Variants in PTPRD observed in about 807,000 individuals in gnomAD.
The protein encoded by PTPRD is receptor-type tyrosine-protein phosphatase delta.
Under a neutral mutation model 214.5 loss-of-function variants are expected in PTPRD, and 34 were observed. The observed-to-expected ratio is 0.16, with a 90% CI of 0.12 to 0.21. The LOEUF is 0.21. PTPRD is among the 10% of genes least tolerant of loss of function. The pLI is 1.00. For missense variants in PTPRD, 2,545 were observed against 2,398.7 expected (o/e 1.06, Z -1.27); for synonymous variants, 1,128 against 845.7 (o/e 1.33, Z -5.79).
chr9:9,853,803 G>A (rs1031903868), intron 5 of PTPRD, among the ~76,000 whole-genome samples: 8 of 152,076 alleles, frequency 5.3e-5, no homozygotes, highest in Admixed American at 1.3e-4. Context: ...TGATCCGCCC[G>A]CCTCAGCCTC....
intron 10 of PTPRD, among the ~76,000 whole-genome samples, chr9:9,045,837 G>T (rs1317333717): frequency 6.6e-6 from 1 of 152,132 alleles, no homozygotes; most frequent in African/African-American, 2.4e-5. Context: ...AAATGCTTGA[G>T]ATATGCAGAC....
intron 8 of PTPRD, among the ~76,000 whole-genome samples, chr9:9,402,865 T>C (rs1245229042): frequency 1.4e-5 from 2 of 145,400 alleles, no homozygotes; most frequent in Non-Finnish European, 3.0e-5. Context: ...GAAGAAATTA[T>C]CCATAATGTT....
chr9:9,467,856 T>C (rs570060318), intron 8 of PTPRD, among the ~76,000 whole-genome samples: 3 of 152,246 alleles, frequency 2.0e-5, no homozygotes, highest in Non-Finnish European at 2.9e-5. Context: ...GTAAATCTAA[T>C]TGGTAACTAT....
At chr9:8,480,650 C>A (rs1192724658) in intron 30 of PTPRD, among the ~76,000 whole-genome samples, 1 of 152,150 alleles carries the variant, frequency 6.6e-6, no homozygotes, top group Non-Finnish European at 1.5e-5. Context: ...TACATTAAAT[C>A]TGCACAGTTT....
At chr9:9,983,967 G>A (rs2095625706) in intron 4 of PTPRD, among the ~76,000 whole-genome samples, 1 of 152,070 alleles carries the variant, frequency 6.6e-6, no homozygotes, top group Non-Finnish European at 1.5e-5. Flanking sequence ...GATTTAGTAT[G>A]CCTATTCCTT....
At chr9:9,501,209 T>C (rs1029985298) in intron 8 of PTPRD, among the ~76,000 whole-genome samples, 4 of 151,962 alleles carry the variant, frequency 2.6e-5, no homozygotes, top group Non-Finnish European at 4.4e-5. Flanking sequence ...AAGCCAAAGA[T>C]TGTCAAATTG....
chr9:9,492,240 AT>A (rs755773350), intron 8 of PTPRD, among the ~76,000 whole-genome samples: 2 of 151,644 alleles, frequency 1.3e-5, no homozygotes, highest in Non-Finnish European at 2.9e-5. Flanking sequence ...AAAAGATTGT[AT>A]CAATAATAAA....
At chr9:8,686,123 G>A (rs1424220338) in intron 12 of PTPRD, among the ~76,000 whole-genome samples, 1 of 152,232 alleles carries the variant, frequency 6.6e-6, no homozygotes, top group African/African-American at 2.4e-5. Context: ...TCTTTATCAA[G>A]TTCAGTGCAC....
rs566464161 is a variant in PTPRD at position 10,192,099 on chromosome 9, C to G, written c.-545+148864G>C. ...GCCTGTGATACATATTTTATCATAA[C>G]TGAACCTTTTGTGAATTCCAGAAGA... On this transcript the variant is annotated intron_variant, in intron 3 of 45. Coordinates refer to ENST00000381196, the MANE Select transcript of PTPRD (RefSeq NM_002839.4). Among the ~76,000 whole-genome samples, 10 of 152,224 alleles carry G rather than the reference C, an allele frequency of 6.6e-5. No homozygotes were observed. In the East Asian group the frequency reaches 1.9e-3, roughly 29 times the overall value.
At chr9:9,040,607 T>A (rs1352070637) in intron 10 of PTPRD, among the ~76,000 whole-genome samples, 2 of 152,190 alleles carry the variant, frequency 1.3e-5, no homozygotes, top group African/African-American at 2.4e-5. Flanking sequence ...GGTTTTGTAC[T>A]TGAAGTGATT....
intron 30 of PTPRD, among the ~76,000 whole-genome samples, chr9:8,471,751 G>T (rs180973323): frequency 6.6e-6 from 1 of 152,148 alleles, no homozygotes; most frequent in African/African-American, 2.4e-5. Context: ...AAAGACAAAA[G>T]TAACTGAATA....
intron 12 of PTPRD, among the ~76,000 whole-genome samples, chr9:8,647,204 T>C (rs745603252): frequency 5.3e-5 from 8 of 152,200 alleles, no homozygotes; most frequent in Non-Finnish European, 1.0e-4. Flanking sequence ...TTCCACCTCA[T>C]TGTCATCACA....
chr9:8,592,036 T>A (rs1341710294), intron 14 of PTPRD, among the ~76,000 whole-genome samples: 2 of 152,154 alleles, frequency 1.3e-5, no homozygotes, highest in Non-Finnish European at 2.9e-5. Context: ...TAAAATAACT[T>A]TGAAATAAAA....
At chr9:9,537,227 A>C (rs2076709059) in intron 8 of PTPRD, among the ~76,000 whole-genome samples, 1 of 151,912 alleles carries the variant, frequency 6.6e-6, no homozygotes. Flanking sequence ...GATATAAATA[A>C]GATTCTTTTC....
intron 2 of PTPRD, among the ~76,000 whole-genome samples, chr9:10,447,227 A>G (rs2098806392): frequency 6.6e-6 from 1 of 151,966 alleles, no homozygotes; most frequent in Admixed American, 6.5e-5. Context: ...AGCAAAATTT[A>G]GTGCCAAGTC....
intron 2 of PTPRD, among the ~76,000 whole-genome samples, chr9:10,567,981 T>G (rs952080917): frequency 6.6e-6 from 1 of 151,910 alleles, no homozygotes; most frequent in Non-Finnish European, 1.5e-5. Context: ...TTATTATTAT[T>G]ATCCTTTAAG....
At chr9:10,127,291 C>T (rs1316186760) in intron 3 of PTPRD, among the ~76,000 whole-genome samples, 1 of 152,154 alleles carries the variant, frequency 6.6e-6, no homozygotes, top group Non-Finnish European at 1.5e-5. Context: ...TAATGGCCCA[C>T]AAGACATTTC....
intron 2 of PTPRD, among the ~76,000 whole-genome samples, chr9:10,481,969 C>G (rs2099100552): frequency 6.6e-6 from 1 of 151,884 alleles, no homozygotes; most frequent in Admixed American, 6.6e-5. Flanking sequence ...AGACTTTATC[C>G]TCTCCAGACT....
intron 3 of PTPRD, among the ~76,000 whole-genome samples, chr9:10,335,736 A>T (rs2096833458): frequency 6.6e-6 from 1 of 151,738 alleles, no homozygotes; most frequent in Non-Finnish European, 1.5e-5. Flanking sequence ...AAGAAAAACA[A>T]AAACTAAACA....
Sources: allele counts gnomAD v4.1 joint callset (sites outside exome capture counted in the v4.1 genomes callset), GRCh38; gene constraint gnomAD v4.1.1; transcripts MANE v1.5; gene names NCBI Gene and HGNC (gene_info 2026-07-23, HGNC 2026-07-21).